Variants in PSME3 observed in about 807,000 individuals in gnomAD.
PSME3 encodes the protein proteasome activator subunit 3, also known as proteasome activator complex subunit 3.
A neutral mutation model predicts 38.3 loss-of-function variants in PSME3; 7 were observed. That is an observed-to-expected ratio of 0.18 (90% CI 0.10 to 0.34). The LOEUF is 0.34. PSME3 is among the 10% of genes least tolerant of loss of function. The pLI is 1.00. For synonymous variants in PSME3, 108 were observed against 105.7 expected, an observed-to-expected ratio of 1.02 and a Z score of -0.13; for missense variants, 192 against 307.6, an observed-to-expected ratio of 0.62 and a Z score of 2.81.
intron 10 of PSME3, among the ~76,000 whole-genome samples, chr17:42,839,965 C>T (rs2055511076): frequency 6.7e-6 from 1 of 149,608 alleles, no homozygotes; most frequent in African/African-American, 2.5e-5. Context: ...CATTGCACTC[C>T]AGCCTGGGCA....
At chr17:42,835,374 G>A (rs187901169) in intron 4 of PSME3, among the ~76,000 whole-genome samples, 6 of 152,008 alleles carry the variant, frequency 3.9e-5, no homozygotes, top group Admixed American at 1.3e-4. Flanking sequence ...TTTCATTTAC[G>A]ACGTGAAGTG....
chr17:42,834,878 TA>T lies in PSME3; in HGVS notation c.243+4del. 1 of 1,613,732 alleles carries T rather than the reference TA, an allele frequency of 6.2e-7. No homozygotes were observed. The highest frequency in any genetic ancestry group is 8.5e-7 in the Non-Finnish European group (1 of 1,179,830). On this transcript the variant is annotated splice_donor_region_variant and intron_variant, in intron 4 of 10. Coordinates refer to ENST00000590720, the MANE Select transcript of PSME3 (RefSeq NM_005789.4). ...AATAGCCATGATGGACTGGATGGTG[TA>T]AGTGTCCTATATTTATCTTTGTGTT...
At chr17:42,834,908 G>A in intron 4 of PSME3, 32 bp downstream of exon 4, 1 of 1,611,888 alleles carries the variant, frequency 6.2e-7, no homozygotes, top group East Asian at 2.2e-5. Context: ...TTGTGTTCTT[G>A]AGCAGTAGGT....
chr17:42,838,288 G>A (rs1161386237), intron 6 of PSME3, 83 bp downstream of exon 6: 8 of 1,566,058 alleles, frequency 5.1e-6, no homozygotes. Flanking sequence ...CGGGTGGTAT[G>A]GGAATTGGCA....
At chr17:42,837,970 TG>T in intron 5 of PSME3, 122 bp from the exon 6 acceptor site, 1 of 1,056,860 alleles carries the variant, frequency 9.5e-7, no homozygotes, top group Non-Finnish European at 1.4e-6. Flanking sequence ...AGTGGTGTCA[TG>T]GTAGGATTGT....
chr17:42,835,918 T>C (rs1478170086), intron 4 of PSME3, among the ~76,000 whole-genome samples: 1 of 152,138 alleles, frequency 6.6e-6, no homozygotes, highest in Non-Finnish European at 1.5e-5. Flanking sequence ...GTCCACATGC[T>C]ACTATAACAC....
chr17:42,837,793 A>G, intron 5 of PSME3, 96 bp downstream of exon 5: 2 of 1,386,134 alleles, frequency 1.4e-6, no homozygotes, highest in South Asian at 1.2e-5. Flanking sequence ...CCAGGAGGCA[A>G]GATCTAATCT....
chr17:42,839,461 G>T, intron 10 of PSME3, 81 bp downstream of exon 10: 1 of 1,189,174 alleles, frequency 8.4e-7, no homozygotes, highest in Non-Finnish European at 1.2e-6. Flanking sequence ...TCTCTGAAGG[G>T]CTGAGATGAG....
In PSME3 at chr17:42,841,922, G is replaced by A. The variant is rs185308245; in HGVS notation, c.*344G>A. On this transcript the variant is annotated 3_prime_UTR_variant, in exon 11 of 11. Transcript: ENST00000590720. Reference sequence around the variant, plus strand: ...TGTCTTGCGCTTTATGTTTTCTTCCGTTTGATAATTAGTTGGTTAAAAGCT... The same window carrying A: ...TGTCTTGCGCTTTATGTTTTCTTCCATTTGATAATTAGTTGGTTAAAAGCT... The A allele has an allele frequency of 1.6e-3, 287 of 174,130 alleles. 2 individuals are homozygous for A. The highest frequency in any genetic ancestry group is 6.6e-3 in the African/African-American group (279 of 41,980). The allele number at this position is 174,130 out of a possible 1,614,324, so 10.8% of individuals were successfully genotyped here.
intron 1 of PSME3, 105 bp downstream of exon 1, chr17:42,833,778 C>G (rs887486689): frequency 1.2e-6 from 2 of 1,606,666 alleles, no homozygotes; most frequent in Non-Finnish European, 1.7e-6. Context: ...GATACCAGCT[C>G]TGAGCTTCCG....
intron 3 of PSME3, 42 bp from the exon 4 acceptor site, chr17:42,834,730 T>C: frequency 6.2e-7 from 1 of 1,611,350 alleles, no homozygotes; most frequent in African/African-American, 1.3e-5. Flanking sequence ...ACTTCTTTGT[T>C]CAGCTTGAAA....
intron 4 of PSME3, among the ~76,000 whole-genome samples, chr17:42,835,847 A>G (rs1017683017): frequency 1.3e-5 from 2 of 152,028 alleles, no homozygotes; most frequent in East Asian, 3.9e-4. Flanking sequence ...AGTTCTCGCT[A>G]TGTAACTGCA....
chr17:42,837,270 T>G (rs898210411), intron 4 of PSME3, among the ~76,000 whole-genome samples: 7 of 152,060 alleles, frequency 4.6e-5, no homozygotes, highest in African/African-American at 1.7e-4. Context: ...AGGCTGGTCT[T>G]GAACTCCTGA....
Position 42,834,767 on chromosome 17 carries a change from T to C in PSME3, c.139-5T>C. The C allele has an allele frequency of 6.2e-7, 1 of 1,613,964 alleles. No homozygotes were observed. The highest frequency in any genetic ancestry group is 8.5e-7 in the Non-Finnish European group (1 of 1,179,952). ...GATTAATGTTTTGGGGTGGGTGTCTTTCAGGAACCAATCTTAAACATCCAT... is the reference window on the plus strand; with the variant it reads ...GATTAATGTTTTGGGGTGGGTGTCTCTCAGGAACCAATCTTAAACATCCAT... On this transcript the variant is annotated splice_polypyrimidine_tract_variant and splice_region_variant and intron_variant, in intron 3 of 10. Coordinates refer to ENST00000590720, the MANE Select transcript of PSME3 (RefSeq NM_005789.4).
intron 1 of PSME3, chr17:42,834,047 T>G (rs1158011985): frequency 1.4e-6 from 2 of 1,441,426 alleles, no homozygotes; most frequent in African/African-American, 2.9e-5. Flanking sequence ...GTTTGTGAGC[T>G]CACATCTTCC....
At chr17:42,841,407 A>T (rs562987035) in intron 10 of PSME3, 91 bp from the exon 11 acceptor site, 36 of 686,626 alleles carry the variant, frequency 5.2e-5, no homozygotes, top group Admixed American at 1.1e-4. Context: ...TATGCAGATG[A>T]TTGCTTGGGG....
At chr17:42,836,778 T>TAC in intron 4 of PSME3, among the ~76,000 whole-genome samples, 1 of 151,790 alleles carries the variant, frequency 6.6e-6, no homozygotes, top group East Asian at 1.9e-4. Context: ...CCCAGGCTGG[T>TAC]CTCAAGCTCC....
intron 4 of PSME3, among the ~76,000 whole-genome samples, chr17:42,835,284 G>A (rs2055448353): frequency 1.3e-5 from 2 of 152,056 alleles, no homozygotes; most frequent in Non-Finnish European, 2.9e-5. Context: ...TAATCCACCC[G>A]CCTCAGCGTC....
At chr17:42,836,986 T>C (rs1261485052) in intron 4 of PSME3, among the ~76,000 whole-genome samples, 1 of 151,882 alleles carries the variant, frequency 6.6e-6, no homozygotes, top group African/African-American at 2.4e-5. Context: ...GTTCAAGCAA[T>C]TCTCCTGCCT....
Sources: allele counts gnomAD v4.1 joint callset (sites outside exome capture counted in the v4.1 genomes callset), GRCh38; gene constraint gnomAD v4.1.1; transcripts MANE v1.5; gene names NCBI Gene and HGNC (gene_info 2026-07-23, HGNC 2026-07-21).